The following PTPRD variants were observed in gnomAD, a reference collection of about 807,000 sequenced individuals.
The protein encoded by PTPRD is receptor-type tyrosine-protein phosphatase delta.
In PTPRD, 34 loss-of-function variants were observed where a neutral mutation model predicts 214.5. The ratio of observed to expected loss-of-function variants is 0.16; its 90% CI spans 0.12 to 0.21. The LOEUF (loss-of-function observed/expected upper bound fraction) is 0.21, where lower values mean the gene tolerates loss of function less well. PTPRD is among the 10% of genes least tolerant of loss of function. The probability of loss-of-function intolerance (pLI) is 1.00; values close to 1 mark genes in which losing one functional copy is unlikely to be tolerated. For missense variants in PTPRD, 2,545 were observed against 2,398.7 expected, an observed-to-expected ratio of 1.06 and a Z score of -1.27; for synonymous variants, 1,128 against 845.7, an observed-to-expected ratio of 1.33 and a Z score of -5.79.
chr9:10,435,952 A>T (rs983615304), intron 2 of PTPRD, among the ~76,000 whole-genome samples: 1 of 151,798 alleles, frequency 6.6e-6, no homozygotes, highest in African/African-American at 2.4e-5. Flanking sequence ...TTGTGTTTCA[A>T]AAATGGACAT....
intron 6 of PTPRD, among the ~76,000 whole-genome samples, chr9:9,739,579 A>AT (rs1219090259): frequency 9.9e-5 from 15 of 151,120 alleles, no homozygotes; most frequent in Admixed American, 9.3e-4. Flanking sequence ...TGAATCCTCT[A>AT]TTTTTTTTAC....
Position 8,948,467 on chromosome 9 carries a change from A to ATATATATT in PTPRD, c.-104+70229_-104+70230insAATATATA, listed in dbSNP as rs1567182531. On this transcript the variant is annotated intron_variant, in intron 11 of 45. Transcript: ENST00000381196. ...TATATATATATTTATATATATATTTACATATATATATATTTATATATATAT... is the reference window on the plus strand; with the variant it reads ...TATATATATATTTATATATATATTTATATATATTCATATATATATATTTATATATATAT... 1.0e-3 allele frequency among the ~76,000 whole-genome samples: 6 copies of ATATATATT among 5,738 alleles called. 1 individual carries two copies. The highest frequency in any genetic ancestry group is 1.3e-3 in the Non-Finnish European group (4 of 3,174). The allele number at this position is 5,738 out of a possible 152,430, so 3.8% of individuals were successfully genotyped here. A position where few individuals can be genotyped will look rare whatever the true frequency, so the allele number is the denominator to read the frequency against.
intron 35 of PTPRD, among the ~76,000 whole-genome samples, chr9:8,419,241 A>G (rs1311263047): frequency 6.6e-6 from 1 of 151,440 alleles, no homozygotes; most frequent in Non-Finnish European, 1.5e-5. Flanking sequence ...AATTAAAAAA[A>G]AAAAAAAAAG....
chr9:10,073,204 G>GAT (rs35387943), intron 3 of PTPRD, among the ~76,000 whole-genome samples: 5,500 of 151,910 alleles, frequency 0.036, 171 homozygotes, highest in Admixed American at 0.093. Context: ...ACTGTAATGG[G>GAT]ATATATATAT....
At chr9:9,447,570 T>G (rs574553522) in intron 8 of PTPRD, among the ~76,000 whole-genome samples, 1 of 152,144 alleles carries the variant, frequency 6.6e-6, no homozygotes, top group African/African-American at 2.4e-5. Context: ...TAATGGGTAC[T>G]GGGTTTAATA....
At chr9:8,652,769 G>A (rs2096838221) in intron 12 of PTPRD, among the ~76,000 whole-genome samples, 1 of 152,146 alleles carries the variant, frequency 6.6e-6, no homozygotes, top group South Asian at 2.1e-4. Flanking sequence ...AGATCATGAT[G>A]ATAAGAAGAA....
chr9:8,594,734 T>A (rs1041523736), intron 14 of PTPRD, among the ~76,000 whole-genome samples: 1 of 152,192 alleles, frequency 6.6e-6, no homozygotes, highest in Non-Finnish European at 1.5e-5. Context: ...GCCATGATTC[T>A]AAGTTTCCTG....
At chr9:8,819,839 G>T (rs571616315) in intron 11 of PTPRD, among the ~76,000 whole-genome samples, 1 of 152,118 alleles carries the variant, frequency 6.6e-6, no homozygotes, top group South Asian at 2.1e-4. Flanking sequence ...CATACAATCA[G>T]AGAGCACAAA....
intron 11 of PTPRD, among the ~76,000 whole-genome samples, chr9:8,838,411 C>T (rs982255902): frequency 6.6e-6 from 1 of 152,056 alleles, no homozygotes; most frequent in African/African-American, 2.4e-5. Context: ...ATTCACAATA[C>T]ATTCCTCTTC....
At chr9:10,346,749 T>A (rs1317003892) in intron 2 of PTPRD, among the ~76,000 whole-genome samples, 1 of 152,158 alleles carries the variant, frequency 6.6e-6, no homozygotes. Context: ...GTACTTGTGT[T>A]ACATTTACTG....
At chr9:10,573,087 T>C (rs1308402581) in intron 2 of PTPRD, among the ~76,000 whole-genome samples, 6 of 152,114 alleles carry the variant, frequency 3.9e-5, no homozygotes, top group Non-Finnish European at 1.5e-5. Flanking sequence ...AATTAGCAGA[T>C]ACCTTACTTG....
At position 10,048,088 on chromosome 9, in the gene PTPRD, A is replaced by G. The variant is rs527917691; in HGVS notation, c.-544-14298T>C. 4.5e-4 allele frequency among the ~76,000 whole-genome samples: 69 copies of G among 152,332 alleles called. 2 individuals carry two copies. The South Asian group carries it at 5.2e-3, about 11-fold the overall frequency. ...AGCCATCTATTTCTCGCTGCAAAGC[A>G]GAAAACATATACAAGGTTTCCTACG... On this transcript the variant is annotated intron_variant, in intron 3 of 45. Transcript: ENST00000381196.
chr9:8,411,300 C>CTTTTAT (rs145652675), intron 35 of PTPRD, among the ~76,000 whole-genome samples: 18,109 of 151,100 alleles, frequency 0.12, 1,532 homozygotes, highest in African/African-American at 0.24. Flanking sequence ...TTTTATTTAT[C>CTTTTAT]TTTTATTTTT....
chr9:9,562,158 T>C (rs555312118), intron 8 of PTPRD, among the ~76,000 whole-genome samples: 3 of 152,188 alleles, frequency 2.0e-5, no homozygotes, highest in African/African-American at 7.2e-5. Context: ...TTATTTTTAT[T>C]TTTTGGTAAA....
At chr9:9,311,148 G>A (rs1958875878) in intron 9 of PTPRD, among the ~76,000 whole-genome samples, 1 of 151,976 alleles carries the variant, frequency 6.6e-6, no homozygotes, top group Non-Finnish European at 1.5e-5. Context: ...TGTTTGTTTA[G>A]TTGCTTTCAT....
Position 9,755,654 on chromosome 9 carries a change from A to T in PTPRD, c.-326+11156T>A, listed in dbSNP as rs527346390. On this transcript the variant is annotated intron_variant, in intron 6 of 45. Coordinates refer to ENST00000381196, the MANE Select transcript of PTPRD (RefSeq NM_002839.4). ...GATACAGCTTGGTTGCTTTGTTTCT[A>T]TTAGTAAGGTAGCATTTACACACGT... Among the ~76,000 whole-genome samples the T allele has an allele frequency of 4.6e-5, 7 of 152,150 alleles. No individual in the cohort carries two copies. The South Asian group carries it at 1.4e-3, about 32-fold the overall frequency.
chr9:8,595,599 G>A (rs546825373), intron 14 of PTPRD, among the ~76,000 whole-genome samples: 1 of 152,160 alleles, frequency 6.6e-6, no homozygotes, highest in Admixed American at 6.5e-5. Context: ...AACAGTTTAA[G>A]AGCATCAAGA....
At chr9:8,904,791 G>C (rs888849883) in intron 11 of PTPRD, among the ~76,000 whole-genome samples, 9 of 152,028 alleles carry the variant, frequency 5.9e-5, no homozygotes, top group Non-Finnish European at 8.8e-5. Flanking sequence ...ATGTACTTGG[G>C]AAAATCTTAT....
At chr9:9,161,608 A>G (rs1324823971) in intron 10 of PTPRD, among the ~76,000 whole-genome samples, 1 of 152,120 alleles carries the variant, frequency 6.6e-6, no homozygotes, top group East Asian at 1.9e-4. Context: ...ATCCTGGGGG[A>G]GCAAATATTT....
Sources: allele counts gnomAD v4.1 joint callset (sites outside exome capture counted in the v4.1 genomes callset), GRCh38; gene constraint gnomAD v4.1.1; transcripts MANE v1.5; gene names NCBI Gene and HGNC (gene_info 2026-07-23, HGNC 2026-07-21).